Variants in SNX30 observed in about 807,000 individuals in gnomAD.
The protein encoded by SNX30 is sorting nexin family member 30, also known as sorting nexin-30.
Under a neutral mutation model 46.4 loss-of-function variants are expected in SNX30, and 24 were observed. The ratio of observed to expected loss-of-function variants is 0.52; its 90% confidence interval spans 0.37 to 0.73. The LOEUF (loss-of-function observed/expected upper bound fraction) is 0.73, where lower values mean the gene tolerates loss of function less well. Ranked by LOEUF, SNX30 falls within the 30% of genes least tolerant of loss-of-function variation. The pLI is 0.00. For synonymous variants in SNX30, 189 were observed against 211.5 expected, an observed-to-expected ratio of 0.89 and a Z score of 0.92; for missense variants, 533 against 555.7, an observed-to-expected ratio of 0.96 and a Z score of 0.41.
rs190328178 is a variant in SNX30, at chr9:112,852,385, A to G, written c.1101+1440A>G. On this transcript the variant is annotated intron_variant, in intron 7 of 8. Coordinates refer to ENST00000374232, the MANE Select transcript of SNX30 (RefSeq NM_001012994.2). ...AAGTAATCTAGAGATGATTTAAAGT[A>G]TACAGGAGGCTGTGCATCAGTTATA... 2.7e-3 allele frequency among the ~76,000 whole-genome samples: 409 copies of G among 152,312 alleles called. 4 individuals are homozygous for G. Among genetic ancestry groups the G allele is most frequent in the African/African-American group, 9.5e-3 (393 of 41,556 alleles).
At chr9:112,797,218 T>C (rs910208359) in intron 1 of SNX30, among the ~76,000 whole-genome samples, 8 of 152,246 alleles carry the variant, frequency 5.3e-5, no homozygotes, top group African/African-American at 1.4e-4. Flanking sequence ...AATTTATTCA[T>C]TGGCTTCTTA....
intron 3 of SNX30, among the ~76,000 whole-genome samples, chr9:112,826,380 C>T (rs1840579635): frequency 6.6e-6 from 1 of 152,096 alleles, no homozygotes; most frequent in Non-Finnish European, 1.5e-5. Context: ...AGATAAGTGA[C>T]TCCTTTCAAA....
intron 1 of SNX30, among the ~76,000 whole-genome samples, chr9:112,767,007 A>T (rs1194341652): frequency 6.6e-6 from 1 of 152,106 alleles, no homozygotes; most frequent in Non-Finnish European, 1.5e-5. Flanking sequence ...ACCTGTTTTT[A>T]ATTTTTTGAG....
In SNX30 at chr9:112,830,715, GT is replaced by G; in HGVS notation, c.460-9del. ...CAATTACTCTGGTTTTTTTCTTCAT[GT>G]CTTCATAGCCTCTTCCCGAGAAGTT... On this transcript the variant is annotated splice_polypyrimidine_tract_variant and intron_variant, in intron 3 of 8. Coordinates refer to ENST00000374232, the MANE Select transcript of SNX30 (RefSeq NM_001012994.2). 1 of 1,597,770 alleles carries G rather than the reference GT, an allele frequency of 6.3e-7. No homozygotes were observed. Among genetic ancestry groups the G allele is most frequent in the Non-Finnish European group, 8.5e-7 (1 of 1,175,284 alleles).
At chr9:112,783,969 C>A (rs1839883042) in intron 1 of SNX30, among the ~76,000 whole-genome samples, 1 of 152,214 alleles carries the variant, frequency 6.6e-6, no homozygotes. Context: ...GCCCTCATAT[C>A]CTAAGGATGG....
intron 3 of SNX30, among the ~76,000 whole-genome samples, chr9:112,823,440 C>T (rs10817390): frequency 0.06 from 9,198 of 152,292 alleles, 625 homozygotes; most frequent in African/African-American, 0.16. Context: ...TTTTCTGCTT[C>T]GGTATTTGTT....
rs190161659 is a variant in SNX30 at position 112,868,786 on chromosome 9, C to T, written c.1257C>T (p.Cys419=). 5,500 of 1,613,988 alleles carry T rather than the reference C, an allele frequency of 3.4e-3. 16 individuals carry two copies. The highest frequency in any genetic ancestry group is 4.1e-3 in the Non-Finnish European group (4,841 of 1,179,876). Residue 419 remains cysteine (C), a splice_region_variant and synonymous_variant, in exon 9 of 9, where the codon TGC becomes TGT. Transcript: ENST00000374232. The part of the protein sequence containing the change: ...ADKNIQYYEK[C]LMAWESIIPL... ...GTGTGTGTATGTTGTCGTTCCAGTG[C>T]CTCATGGCGTGGGAGTCGATTATTC...
intron 3 of SNX30, among the ~76,000 whole-genome samples, chr9:112,818,562 T>G (rs991966241): frequency 5.3e-5 from 8 of 152,234 alleles, no homozygotes; most frequent in Non-Finnish European, 8.8e-5. Context: ...TTCTGACTAC[T>G]TTTGTTAAAA....
intron 1 of SNX30, among the ~76,000 whole-genome samples, chr9:112,751,771 C>T (rs905248966): frequency 6.6e-6 from 1 of 152,184 alleles, no homozygotes; most frequent in Non-Finnish European, 1.5e-5. Context: ...GCCTACCACT[C>T]TGTTTAGGTT....
intron 4 of SNX30, 40 bp downstream of exon 4, chr9:112,830,923 A>G (rs773238709): frequency 1.5e-5 from 23 of 1,558,704 alleles, no homozygotes; most frequent in Non-Finnish European, 1.8e-5. Flanking sequence ...CCATATTACC[A>G]TTCTTGGGGC....
At chr9:112,823,404 C>G (rs1840535687) in intron 3 of SNX30, among the ~76,000 whole-genome samples, 1 of 152,214 alleles carries the variant, frequency 6.6e-6, no homozygotes, top group Admixed American at 6.5e-5. Context: ...TTCCCACTCT[C>G]CGTACCCCTG....
chr9:112,762,459 G>A (rs1310999388), intron 1 of SNX30, among the ~76,000 whole-genome samples: 1 of 152,150 alleles, frequency 6.6e-6, no homozygotes, highest in Non-Finnish European at 1.5e-5. Context: ...TAATGGTCCA[G>A]TGAAGAAGAG....
At chr9:112,833,106 T>C (rs2131449283) in intron 4 of SNX30, among the ~76,000 whole-genome samples, 1 of 152,190 alleles carries the variant, frequency 6.6e-6, no homozygotes, top group East Asian at 1.9e-4. Context: ...TTCAGTAGTG[T>C]TAAGTATATT....
At chr9:112,787,065 A>T (rs578250692) in intron 1 of SNX30, among the ~76,000 whole-genome samples, 1 of 152,210 alleles carries the variant, frequency 6.6e-6, no homozygotes, top group Non-Finnish European at 1.5e-5. Context: ...CCAGGTAGCC[A>T]GTCAGGTGGC....
chr9:112,768,818 G>A (rs1353473876), intron 1 of SNX30, among the ~76,000 whole-genome samples: 1 of 151,796 alleles, frequency 6.6e-6, no homozygotes, highest in African/African-American at 2.4e-5. Flanking sequence ...CACCACGCTG[G>A]CTAATTTTTT....
chr9:112,751,303 G>T lies in SNX30; in HGVS notation c.156+146G>T. ...GGCGTGTCCTGGCCCCGGAGCCCTC[G>T]GCGAAGCGTCTCCTCTGCCGCCTCC... On this transcript the variant is annotated intron_variant, in intron 1 of 8. Transcript: ENST00000374232. 5 of 1,087,386 alleles carry T rather than the reference G, an allele frequency of 4.6e-6. No individual in the cohort carries two copies. The East Asian group carries it at 9.8e-5, about 21-fold the overall frequency. 67.4% of individuals were successfully genotyped at this position (1,087,386 alleles called of 1,614,324 possible).
At chr9:112,776,151 C>A (rs1839745088) in intron 1 of SNX30, among the ~76,000 whole-genome samples, 1 of 152,108 alleles carries the variant, frequency 6.6e-6, no homozygotes, top group Non-Finnish European at 1.5e-5. Context: ...AGTTTTACTG[C>A]TTCATCTGCA....
chr9:112,849,373 A>C (rs985804599), intron 6 of SNX30, among the ~76,000 whole-genome samples: 24 of 152,252 alleles, frequency 1.6e-4, no homozygotes, highest in African/African-American at 5.8e-4. Flanking sequence ...ATGTAAATCC[A>C]GTTCCCCAGT....
At chr9:112,751,532 C>T (rs1031032089) in intron 1 of SNX30, among the ~76,000 whole-genome samples, 2 of 152,250 alleles carry the variant, frequency 1.3e-5, no homozygotes, top group African/African-American at 4.8e-5. Flanking sequence ...TGTAGCTCCT[C>T]CAGTTTCCGA....
Sources: gnomAD v4.1 joint callset for allele counts (sites outside exome capture counted in the v4.1 genomes callset) on GRCh38, gnomAD v4.1.1 for gene constraint, MANE v1.5 for transcripts, NCBI Gene and HGNC (gene_info 2026-07-23, HGNC 2026-07-21) for gene names.